The following ARPC4 variants were observed in gnomAD, a reference collection of about 807,000 sequenced individuals.
ARPC4 encodes the protein actin-related protein 2/3 complex subunit 4.
ARPC4 carries 3 observed loss-of-function variants against 22.8 expected under a neutral mutation model. The ratio of observed to expected loss-of-function variants is 0.13; its 90% CI spans 0.06 to 0.34. The LOEUF (loss-of-function observed/expected upper bound fraction) is 0.34, where lower values mean the gene tolerates loss of function less well. Among genes scored for constraint, ARPC4 ranks in the 10% least tolerant of loss-of-function variants. The probability of loss-of-function intolerance (pLI) is 1.00; values close to 1 mark genes in which losing one functional copy is unlikely to be tolerated. For synonymous variants in ARPC4, 80 were observed against 72.5 expected (o/e 1.10, Z -0.52); for missense variants, 98 against 211.0 (o/e 0.46, Z 3.32).
At chr3:9,799,772 G>C (rs1419810022) in intron 2 of ARPC4, 4 of 441,742 alleles carry the variant, frequency 9.1e-6, no homozygotes, top group Non-Finnish European at 1.8e-5. Context: ...CAGATTTGCA[G>C]ATTGGGGATG....
At chr3:9,804,869 C>T (rs545925484) in intron 5 of ARPC4, among the ~76,000 whole-genome samples, 10 of 152,346 alleles carry the variant, frequency 6.6e-5, no homozygotes, top group Admixed American at 2.0e-4. Context: ...TCAGCTCACT[C>T]GGCTATGGAG....
At position 9,806,606 on chromosome 3, in the gene ARPC4, C is replaced by T. The variant is rs951844868; in HGVS notation, c.*391C>T. ...CGTTATTGGTTGCTGTGGGTCTGGGCGGGCCTGGAGCCAGAAGGCGACTTA... is the reference window on the plus strand; with the variant it reads ...CGTTATTGGTTGCTGTGGGTCTGGGTGGGCCTGGAGCCAGAAGGCGACTTA... On this transcript the variant is annotated 3_prime_UTR_variant, in exon 6 of 6. Coordinates refer to ENST00000397261, the MANE Select transcript of ARPC4 (RefSeq NM_005718.5). 10 of 235,412 alleles carry T rather than the reference C, an allele frequency of 4.2e-5. No homozygotes were observed. Among genetic ancestry groups the T allele is most frequent in the South Asian group, 1.4e-4 (2 of 14,510 alleles). 14.6% of individuals were successfully genotyped at this position (235,412 alleles called of 1,614,324 possible). A position where few individuals can be genotyped will look rare whatever the true frequency, so the allele number is the denominator to read the frequency against.
Position 9,803,897 on chromosome 3 carries a change from C to T in ARPC4, c.385C>T (p.His129Tyr). The T allele has an allele frequency of 6.2e-7, 1 of 1,614,224 alleles. No homozygotes were observed. Among genetic ancestry groups the T allele is most frequent in the Non-Finnish European group, 8.5e-7 (1 of 1,180,046 alleles). The part of the protein sequence containing the change: ...TNFHTEQMYK[H>Y]KLVDFVIHFM... ...CTTCCACACAGAGCAGATGTACAAA[C>T]ACAAGTTGGTGGACTTTGTGATCCA... Residue 129 changes from histidine (H) to tyrosine (Y), a missense_variant, in exon 5 of 6, where the codon CAC becomes TAC. Physicochemically the swap from His to Tyr is moderately conservative, Grantham distance 83. Coordinates refer to ENST00000397261, the MANE Select transcript of ARPC4 (RefSeq NM_005718.5).
chr3:9,804,075 CTT>C, intron 5 of ARPC4, 62 bp downstream of exon 5: 1 of 1,578,902 alleles, frequency 6.3e-7, no homozygotes, highest in Non-Finnish European at 8.6e-7. Context: ...ATGTTGAGAA[CTT>C]AGCATCTGGT....
At chr3:9,803,246 G>C (rs918441457) in intron 4 of ARPC4, among the ~76,000 whole-genome samples, 6 of 152,198 alleles carry the variant, frequency 3.9e-5, no homozygotes, top group Admixed American at 6.5e-5. Flanking sequence ...ATTTGTACTT[G>C]AATCTTCTCC....
chr3:9,796,679 C>G (rs56276715), intron 1 of ARPC4, among the ~76,000 whole-genome samples: 1 of 152,284 alleles, frequency 6.6e-6, no homozygotes, highest in Non-Finnish European at 1.5e-5. Flanking sequence ...TGGTGGCTCA[C>G]GCCTGTAAAC....
chr3:9,801,927 G>A (rs2079017291), intron 4 of ARPC4, among the ~76,000 whole-genome samples, 171 bp downstream of exon 4: 1 of 151,970 alleles, frequency 6.6e-6, no homozygotes. Flanking sequence ...GGAAAAGTTG[G>A]GTCTACCTCA....
chr3:9,796,603 C>G (rs2078893196), intron 1 of ARPC4, among the ~76,000 whole-genome samples: 1 of 152,116 alleles, frequency 6.6e-6, no homozygotes, highest in Non-Finnish European at 1.5e-5. Flanking sequence ...TTGGCTGATA[C>G]AAGGACTGAC....
chr3:9,799,960 G>C, intron 2 of ARPC4: 1 of 646,432 alleles, frequency 1.5e-6, no homozygotes, highest in Non-Finnish European at 2.9e-6. Context: ...CCCAAGGAAA[G>C]TAACAGAGGA....
At chr3:9,801,165 C>T (rs550309531) in intron 3 of ARPC4, among the ~76,000 whole-genome samples, 60 of 125,848 alleles carry the variant, frequency 4.8e-4, no homozygotes, top group African/African-American at 1.8e-3. Context: ...GAGTCAAAAT[C>T]GTACCACTGC....
chr3:9,794,662 T>C lies in ARPC4; in HGVS notation c.3+1538T>C, dbSNP rs1247715865. Among the ~76,000 whole-genome samples the C allele has an allele frequency of 2.0e-5, 3 of 151,814 alleles. No individual in the cohort carries two copies. The East Asian group carries it at 5.8e-4, about 29-fold the overall frequency. On this transcript the variant is annotated intron_variant, in intron 1 of 5. Coordinates refer to ENST00000397261, the MANE Select transcript of ARPC4 (RefSeq NM_005718.5). ...AGCCACTGCACTTCAGCCTGGACAA[T>C]ATAGCAAGATCCCGTGTCTTAAAAA...
At chr3:9,801,124 T>C (rs949295464) in intron 3 of ARPC4, among the ~76,000 whole-genome samples, 1 of 141,478 alleles carries the variant, frequency 7.1e-6, no homozygotes, top group African/African-American at 2.6e-5. Context: ...GGCAGGAGAA[T>C]CGCTTGAACC....
chr3:9,800,825 C>T (rs1346723419), intron 3 of ARPC4, among the ~76,000 whole-genome samples: 2 of 152,156 alleles, frequency 1.3e-5, no homozygotes, highest in African/African-American at 4.8e-5. Context: ...AACCTGGGGC[C>T]TGCTTTCCTT....
chr3:9,793,814 C>T (rs888560985), intron 1 of ARPC4, among the ~76,000 whole-genome samples: 2 of 152,070 alleles, frequency 1.3e-5, no homozygotes, highest in African/African-American at 4.8e-5. Flanking sequence ...CTTTGGATGA[C>T]CATCTCCCTC....
Position 9,793,097 on chromosome 3 carries a change from C to G in ARPC4, c.-25C>G, listed in dbSNP as rs375229987. On this transcript the variant is annotated 5_prime_UTR_variant, in exon 1 of 6. Transcript: ENST00000397261. ...GGGGCTGGCCACTTCCGTACTTCCGCTTTCCGGCCCAGCCAGCGCCCGCGA... is the reference window on the plus strand; with the variant it reads ...GGGGCTGGCCACTTCCGTACTTCCGGTTTCCGGCCCAGCCAGCGCCCGCGA... 1.3e-6 allele frequency: 2 copies of G among 1,545,206 alleles called. No individual in the cohort carries two copies. Among genetic ancestry groups the G allele is most frequent in the South Asian group, 1.2e-5 (1 of 83,878 alleles).
chr3:9,797,866 A>C, intron 2 of ARPC4, 89 bp downstream of exon 2: 2 of 1,307,938 alleles, frequency 1.5e-6, no homozygotes, highest in Non-Finnish European at 2.1e-6. Flanking sequence ...TATGTCCTGC[A>C]GTAGTCAGGA....
Position 9,806,434 on chromosome 3 carries a change from T to C in ARPC4, c.*219T>C. ...GCCTGGTCAGGCTGGCTTCTGATGT[T>C]CAGTCCCCTGGGCCGGGACAGATTT... is the stretch of plus-strand genomic sequence containing the variant. On this transcript the variant is annotated 3_prime_UTR_variant, in exon 6 of 6. Transcript: ENST00000397261. 1 of 616,362 alleles carries C rather than the reference T, an allele frequency of 1.6e-6. No individual in the cohort carries two copies. The allele number at this position is 616,362 out of a possible 1,614,324, so 38.2% of individuals were successfully genotyped here. A position where few individuals can be genotyped will look rare whatever the true frequency, so the allele number is the denominator to read the frequency against.
chr3:9,802,393 T>G (rs1453354205), intron 4 of ARPC4, among the ~76,000 whole-genome samples: 1 of 151,644 alleles, frequency 6.6e-6, no homozygotes, highest in Non-Finnish European at 1.5e-5. Context: ...TTTTTTTCTT[T>G]GAGACGGAGT....
At chr3:9,805,615 T>G (rs1200265628) in intron 5 of ARPC4, among the ~76,000 whole-genome samples, 1 of 152,250 alleles carries the variant, frequency 6.6e-6, no homozygotes, top group African/African-American at 2.4e-5. Context: ...GGTTGGCAAC[T>G]AATTCATATT....
Sources: gnomAD v4.1 joint callset for allele counts (sites outside exome capture counted in the v4.1 genomes callset) on GRCh38, gnomAD v4.1.1 for gene constraint, MANE v1.5 for transcripts, NCBI Gene and HGNC (gene_info 2026-07-23, HGNC 2026-07-21) for gene names.